IGF2BP3: variants seen among roughly 807,000 people sequenced by gnomAD.
The protein encoded by IGF2BP3 is insulin-like growth factor 2 mRNA-binding protein 3.
IGF2BP3 carries 9 observed loss-of-function variants against 73.8 expected under a neutral mutation model. The observed-to-expected ratio is 0.12, with a 90% CI of 0.07 to 0.21. The LOEUF (loss-of-function observed/expected upper bound fraction) is 0.21, where lower values mean the gene tolerates loss of function less well. Ranked by LOEUF, IGF2BP3 falls within the 10% of genes least tolerant of loss-of-function variation. The pLI, the probability that IGF2BP3 is intolerant of heterozygous loss-of-function variation, is 1.00. For synonymous variants in IGF2BP3, 258 were observed against 256.7 expected, an observed-to-expected ratio of 1.01 and a Z score of -0.05; for missense variants, 542 against 714.0, an observed-to-expected ratio of 0.76 and a Z score of 2.75.
intron 3 of IGF2BP3, among the ~76,000 whole-genome samples, chr7:23,376,540 G>GAAAAAAA (rs763360484): frequency 1.1e-5 from 1 of 88,670 alleles, no homozygotes. Context: ...ATCTCCCAAA[G>GAAAAAAA]AAAAAAAAAA....
At chr7:23,376,552 A>G (rs994294033) in intron 3 of IGF2BP3, among the ~76,000 whole-genome samples, 1 of 117,178 alleles carries the variant, frequency 8.5e-6, no homozygotes, top group Non-Finnish European at 1.9e-5. Context: ...AAAAAAAAAA[A>G]AAAAAAGAAA....
chr7:23,430,506 C>T lies in IGF2BP3; in HGVS notation c.237-11682G>A, dbSNP rs554072167. Among the ~76,000 whole-genome samples the T allele has an allele frequency of 4.1e-4, 63 of 152,328 alleles. No homozygotes were observed. In the South Asian group the frequency reaches 6.4e-3, roughly 16 times the overall value. On this transcript the variant is annotated intron_variant, in intron 2 of 14. Transcript: ENST00000258729. ...CCCGCCACTTGGTGGCACTCTGTAC[C>T]GGCTGCAAATTTTCATTCCAGCTGT... is the stretch of plus-strand genomic sequence containing the variant.
chr7:23,438,812 A>T (rs902185585), intron 2 of IGF2BP3, among the ~76,000 whole-genome samples: 1 of 150,432 alleles, frequency 6.6e-6, no homozygotes, highest in Non-Finnish European at 1.5e-5. Flanking sequence ...AGAAAAGATG[A>T]CAGATTTCCA....
chr7:23,338,888 A>T, intron 10 of IGF2BP3, among the ~76,000 whole-genome samples: 1 of 152,386 alleles, frequency 6.6e-6, no homozygotes, highest in African/African-American at 2.4e-5. Flanking sequence ...TGGATAAATG[A>T]TTTAGGAAAA....
chr7:23,372,490 G>C (rs113655919), intron 3 of IGF2BP3, among the ~76,000 whole-genome samples: 1,634 of 152,070 alleles, frequency 0.011, 25 homozygotes, highest in African/African-American at 0.037. Flanking sequence ...CACCCTTTCC[G>C]CCGAGTACCC....
intron 3 of IGF2BP3, among the ~76,000 whole-genome samples, chr7:23,385,733 A>T (rs1481989902): frequency 6.7e-6 from 1 of 149,636 alleles, no homozygotes; most frequent in African/African-American, 2.5e-5. Context: ...TTATTTTTTT[A>T]TTATTTTTTT....
At chr7:23,381,460 G>A (rs1785907517) in intron 3 of IGF2BP3, among the ~76,000 whole-genome samples, 1 of 152,154 alleles carries the variant, frequency 6.6e-6, no homozygotes, top group African/African-American at 2.4e-5. Flanking sequence ...ACAGAAAGTT[G>A]ATAAATTTTG....
chr7:23,350,548 CA>C (rs1784934317), intron 6 of IGF2BP3, among the ~76,000 whole-genome samples: 1 of 152,098 alleles, frequency 6.6e-6, no homozygotes, highest in Non-Finnish European at 1.5e-5. Flanking sequence ...GTTTCTAAAG[CA>C]AAACAACATA....
chr7:23,464,566 C>T (rs567189834), intron 2 of IGF2BP3, among the ~76,000 whole-genome samples: 26 of 152,130 alleles, frequency 1.7e-4, no homozygotes, highest in African/African-American at 5.8e-4. Context: ...TGCCTGTAAT[C>T]CCAGCTACTA....
chr7:23,432,638 A>ATT lies in IGF2BP3; in HGVS notation c.237-13816_237-13815dup, dbSNP rs201185940. On this transcript the variant is annotated intron_variant, in intron 2 of 14. Transcript: ENST00000258729. ...CTAAGTAAATGTGCTTCATTTTTTA[A>ATT]TTTTTTTTTTTTTTTGGTGGAGAGA... 2.1e-4 allele frequency among the ~76,000 whole-genome samples: 30 copies of ATT among 144,554 alleles called. 1 individual carries two copies. The highest frequency in any genetic ancestry group is 7.3e-4 in the African/African-American group (29 of 39,488). The allele number at this position is 144,554 out of a possible 152,430, so 94.8% of individuals were successfully genotyped here. A position where few individuals can be genotyped will look rare whatever the true frequency, so the allele number is the denominator to read the frequency against.
intron 3 of IGF2BP3, among the ~76,000 whole-genome samples, chr7:23,376,430 G>A (rs1020408330): frequency 6.6e-6 from 1 of 151,512 alleles, no homozygotes; most frequent in Non-Finnish European, 1.5e-5. Context: ...AGCTACTCGG[G>A]TGGCTGAGGC....
intron 3 of IGF2BP3, among the ~76,000 whole-genome samples, chr7:23,380,755 A>G (rs936098332): frequency 7.9e-5 from 12 of 152,316 alleles, no homozygotes; most frequent in Non-Finnish European, 1.2e-4. Flanking sequence ...GGACACACAC[A>G]GGGAGAACAC....
At chr7:23,372,949 T>C (rs939185120) in intron 3 of IGF2BP3, among the ~76,000 whole-genome samples, 1 of 152,138 alleles carries the variant, frequency 6.6e-6, no homozygotes, top group African/African-American at 2.4e-5. Flanking sequence ...GCTGGAGAAA[T>C]GATTCAAACT....
Position 23,311,060 on chromosome 7 carries a change from GA to G in IGF2BP3, c.*1301del, listed in dbSNP as rs1783814128. Reference sequence around the variant, plus strand: ...CTTTTGACTTTTTTTTCAAAGAACTGATTGCACAGTATACAGAAATCCTGTT... The same window carrying G: ...CTTTTGACTTTTTTTTCAAAGAACTGTTGCACAGTATACAGAAATCCTGTT... On this transcript the variant is annotated 3_prime_UTR_variant, in exon 15 of 15. Transcript: ENST00000258729. 2 of 151,726 alleles carry G rather than the reference GA, an allele frequency of 1.3e-5. No individual in the cohort carries two copies. The highest frequency in any genetic ancestry group is 4.8e-5 in the African/African-American group (2 of 41,302). The allele number at this position is 151,726 out of a possible 1,614,324, so 9.4% of individuals were successfully genotyped here.
intron 10 of IGF2BP3, among the ~76,000 whole-genome samples, chr7:23,332,779 CACTG>C (rs1467155676): frequency 4.6e-5 from 7 of 152,252 alleles, no homozygotes; most frequent in South Asian, 2.1e-4. Flanking sequence ...TTAATGCCAA[CACTG>C]ACTATCAACT....
intron 12 of IGF2BP3, among the ~76,000 whole-genome samples, chr7:23,316,789 G>A (rs1372823215): frequency 6.6e-6 from 1 of 151,984 alleles, no homozygotes; most frequent in African/African-American, 2.4e-5. Context: ...AATTTTGTGG[G>A]AGAAATCATA....
At chr7:23,401,313 C>A (rs951109848) in intron 3 of IGF2BP3, among the ~76,000 whole-genome samples, 1 of 152,152 alleles carries the variant, frequency 6.6e-6, no homozygotes, top group African/African-American at 2.4e-5. Flanking sequence ...GGTTCACCAT[C>A]AACATCATGG....
chr7:23,393,730 G>C (rs1424495296), intron 3 of IGF2BP3, among the ~76,000 whole-genome samples: 1 of 152,192 alleles, frequency 6.6e-6, no homozygotes. Flanking sequence ...TCTAGCCCAA[G>C]GGGGGCAATC....
At chr7:23,416,135 A>G (rs1389085890) in intron 3 of IGF2BP3, 1 of 152,224 alleles carries the variant, frequency 6.6e-6, no homozygotes, top group African/African-American at 2.4e-5. Flanking sequence ...AAACCTGTTC[A>G]GAGATCCCAT....
Sources: gnomAD v4.1 joint callset for allele counts (sites outside exome capture counted in the v4.1 genomes callset) on GRCh38, gnomAD v4.1.1 for gene constraint, MANE v1.5 for transcripts, NCBI Gene and HGNC (gene_info 2026-07-23, HGNC 2026-07-21) for gene names.